Variants in RAD52 observed in about 807,000 individuals in gnomAD.
RAD52 encodes the protein RAD52 DNA repair protein, also known as DNA repair protein RAD52 homolog.
RAD52 carries 47 observed loss-of-function variants against 55.5 expected under a neutral mutation model. That is an observed-to-expected ratio of 0.85 (90% CI 0.67 to 1.08). The LOEUF is 1.08. RAD52 is among the 50% of genes least tolerant of loss of function. The probability of loss-of-function intolerance (pLI) is 0.00; values close to 1 mark genes in which losing one functional copy is unlikely to be tolerated. For missense variants in RAD52, 468 were observed against 522.8 expected, an observed-to-expected ratio of 0.90 and a Z score of 1.02; for synonymous variants, 184 against 198.9, an observed-to-expected ratio of 0.92 and a Z score of 0.63.
chr12:915,235 G>A lies in RAD52; in HGVS notation c.866-703C>T, dbSNP rs11571469. ...TCTGCCAAGGGGCAGGAAAGGCCTG[G>A]AGGGCAGCTTCCTCCACAATCTACC... On this transcript the variant is annotated intron_variant, in intron 9 of 11. Transcript: ENST00000358495. Among the ~76,000 whole-genome samples the A allele has an allele frequency of 7.2e-3, 1,101 of 152,350 alleles. 5 individuals carry two copies. The highest frequency in any genetic ancestry group is 0.01 in the Non-Finnish European group (712 of 68,042).
intron 1 of RAD52, 168 bp downstream of exon 1, chr12:949,434 C>T (rs980537917): frequency 6.6e-6 from 1 of 152,336 alleles, no homozygotes; most frequent in African/African-American, 2.4e-5. Flanking sequence ...GAGCCCCTCA[C>T]TGCACTGGTG....
intron 1 of RAD52, among the ~76,000 whole-genome samples, chr12:937,785 G>C (rs1490425930): frequency 6.6e-6 from 1 of 152,070 alleles, no homozygotes; most frequent in Non-Finnish European, 1.5e-5. Context: ...GCCAACATCT[G>C]CATCTTGTTA....
chr12:975,474 CA>C (rs1958923822), intron 1 of RAD52: 1 of 152,110 alleles, frequency 6.6e-6, no homozygotes, highest in Non-Finnish European at 1.5e-5. Flanking sequence ...ATATTTAAAG[CA>C]AGTTTAGTTA....
intron 2 of RAD52, among the ~76,000 whole-genome samples, chr12:932,190 T>C (rs7972741): frequency 0.047 from 7,089 of 152,116 alleles, 439 homozygotes; most frequent in African/African-American, 0.14. Flanking sequence ...ACCACATCTC[T>C]ACTAAAAATA....
intron 1 of RAD52, among the ~76,000 whole-genome samples, chr12:983,271 A>G (rs1485180252): frequency 1.3e-5 from 2 of 152,148 alleles, no homozygotes; most frequent in South Asian, 4.1e-4. Flanking sequence ...TCTTGGCATA[A>G]AAGTCTACAT....
At chr12:972,888 G>A (rs755633420) in intron 1 of RAD52, among the ~76,000 whole-genome samples, 123 of 152,160 alleles carry the variant, frequency 8.1e-4, no homozygotes, top group Non-Finnish European at 1.1e-3. Context: ...AGCAGATGAG[G>A]TCAAAGAGTC....
In RAD52 at chr12:925,430, C is replaced by T. The variant is rs999857714; in HGVS notation, c.543+20G>A. The T allele has an allele frequency of 1.2e-6, 2 of 1,600,882 alleles. No individual in the cohort carries two copies. The highest frequency in any genetic ancestry group is 1.3e-5 in the African/African-American group (1 of 74,596). ...AGTTTGCCGCATTATCTTCACTCCA[C>T]TCATCCATGTCTGATATACCTGGCG... On this transcript the variant is annotated intron_variant, in intron 7 of 11. Coordinates refer to ENST00000358495, the MANE Select transcript of RAD52 (RefSeq NM_134424.4).
intron 1 of RAD52, among the ~76,000 whole-genome samples, chr12:977,748 G>A (rs1958953068): frequency 6.6e-6 from 1 of 152,248 alleles, no homozygotes; most frequent in Non-Finnish European, 1.5e-5. Flanking sequence ...ATGTTGGGGA[G>A]CTCAGGGAAC....
intron 1 of RAD52, among the ~76,000 whole-genome samples, chr12:939,355 T>G (rs1244236728): frequency 1.3e-5 from 2 of 151,924 alleles, no homozygotes; most frequent in East Asian, 3.9e-4. Flanking sequence ...CTCACTATGT[T>G]GTCCAGGCTG....
intron 1 of RAD52, among the ~76,000 whole-genome samples, chr12:980,107 T>C (rs1415502335): frequency 6.6e-6 from 1 of 151,942 alleles, no homozygotes; most frequent in Non-Finnish European, 1.5e-5. Flanking sequence ...GGAAAATTGC[T>C]TGAACCTGCG....
In RAD52 at chr12:916,781, C is replaced by T; in HGVS notation, c.583G>A (p.Asp195Asn). The T allele has an allele frequency of 6.2e-7, 1 of 1,613,120 alleles. No individual in the cohort carries two copies. Among genetic ancestry groups the T allele is most frequent in the Non-Finnish European group, 8.5e-7 (1 of 1,179,182 alleles). Residue 195 changes from aspartate (D) to asparagine (N), a missense_variant, in exon 8 of 12, where the codon GAT becomes AAT. By Grantham distance (23) the Asp-to-Asn change is conservative. Transcript: ENST00000358495. ...GCCTCCTCCACAGACGGTTCAAGAT[C>T]TTGTCTCTTCGCTTTAGTTAAATCC... ...EVDLTKAKRQ[D>N]LEPSVEEARY...
At chr12:990,021 T>A (rs1452552484) in exon 1 of RAD52, 1 of 152,200 alleles carries the variant, frequency 6.6e-6, no homozygotes, top group Non-Finnish European at 1.5e-5. Flanking sequence ...GAAACTGCAA[T>A]GATCCAAGTG....
chr12:936,738 T>C (rs1957655600), intron 1 of RAD52: 1 of 152,116 alleles, frequency 6.6e-6, no homozygotes, highest in African/African-American at 2.4e-5. Flanking sequence ...CTCAAGGAGT[T>C]CAAGTGTTTT....
chr12:918,456 G>C (rs1032950122), intron 7 of RAD52, among the ~76,000 whole-genome samples: 1 of 152,140 alleles, frequency 6.6e-6, no homozygotes, highest in African/African-American at 2.4e-5. Context: ...GAGTGCAGTG[G>C]CGTAATCACA....
intron 3 of RAD52, among the ~76,000 whole-genome samples, chr12:930,836 G>A (rs1370545625): frequency 2.6e-5 from 4 of 151,986 alleles, no homozygotes; most frequent in Non-Finnish European, 2.9e-5. Flanking sequence ...GTGTGGTGGC[G>A]TGTGCCTGTA....
chr12:948,615 G>A (rs762721887), intron 1 of RAD52, among the ~76,000 whole-genome samples: 8 of 152,142 alleles, frequency 5.3e-5, no homozygotes, highest in Non-Finnish European at 7.4e-5. Context: ...CCGAGACGGC[G>A]CCACTGTACT....
At chr12:949,517 T>A (rs1958450236) in intron 1 of RAD52, 85 bp downstream of exon 1, 1 of 152,528 alleles carries the variant, frequency 6.6e-6, no homozygotes, top group Non-Finnish European at 1.5e-5. Context: ...AGCCCCAGGT[T>A]CTCGACCCGG....
At chr12:919,677 G>C (rs1956606510) in intron 7 of RAD52, among the ~76,000 whole-genome samples, 2 of 121,758 alleles carry the variant, frequency 1.6e-5, no homozygotes, top group African/African-American at 6.7e-5. Flanking sequence ...CTTGAACCCG[G>C]GAGGCGGAGG....
At position 912,538 on chromosome 12, in the gene RAD52, T is replaced by C. The variant is rs1956146062; in HGVS notation, c.*853A>G. ...AGCAATATATATATATTCTATTTTG[T>C]TAATAAGGTATACGATTTGCTTTCT... On this transcript the variant is annotated 3_prime_UTR_variant, in exon 12 of 12. Transcript: ENST00000358495. The C allele has an allele frequency of 1.6e-5, 3 of 183,716 alleles. No homozygotes were observed. The highest frequency in any genetic ancestry group is 3.5e-5 in the Non-Finnish European group (3 of 86,620). The allele number at this position is 183,716 out of a possible 1,614,324, so 11.4% of individuals were successfully genotyped here.
Sources: gnomAD v4.1 joint callset for allele counts (sites outside exome capture counted in the v4.1 genomes callset) on GRCh38, gnomAD v4.1.1 for gene constraint, MANE v1.5 for transcripts, NCBI Gene and HGNC (gene_info 2026-07-23, HGNC 2026-07-21) for gene names.